Variants in GNAQ observed in about 807,000 individuals in gnomAD.
GNAQ encodes the protein guanine nucleotide-binding protein G(q) subunit alpha.
Under a neutral mutation model 43.9 loss-of-function variants are expected in GNAQ, and 8 were observed. The ratio of observed to expected loss-of-function variants is 0.18; its 90% CI spans 0.11 to 0.33. The LOEUF (loss-of-function observed/expected upper bound fraction) is 0.33, where lower values mean the gene tolerates loss of function less well. Ranked by LOEUF, GNAQ falls within the 10% of genes least tolerant of loss-of-function variation. The pLI, the probability that GNAQ is intolerant of heterozygous loss-of-function variation, is 1.00. For missense variants in GNAQ, 158 were observed against 450.8 expected (o/e 0.35, Z 5.88); for synonymous variants, 155 against 170.7 (o/e 0.91, Z 0.71).
At chr9:77,823,067 G>A (rs1827141752) in intron 2 of GNAQ, among the ~76,000 whole-genome samples, 1 of 152,028 alleles carries the variant, frequency 6.6e-6, no homozygotes, top group Non-Finnish European at 1.5e-5. Context: ...AGCCTCCTGA[G>A]TAGCTGGGAC....
chr9:77,836,978 A>T (rs1827398133), intron 2 of GNAQ, among the ~76,000 whole-genome samples: 1 of 152,130 alleles, frequency 6.6e-6, no homozygotes, highest in South Asian at 2.1e-4. Context: ...CAGTTTAAAG[A>T]AATAACTTCA....
chr9:77,778,618 C>T (rs574546439), intron 5 of GNAQ, among the ~76,000 whole-genome samples: 5 of 151,894 alleles, frequency 3.3e-5, no homozygotes, highest in Non-Finnish European at 4.4e-5. Context: ...GGTCTACATA[C>T]ACCAATTAAA....
rs2118442513 is a variant in GNAQ at position 77,794,450 on chromosome 9, A to T, written c.735+13T>A. ...TAAAATGATAATCCATTGCCTGTCTAAAGAACACTTACCTCATTGTCTGAC... is the reference window on the plus strand; with the variant it reads ...TAAAATGATAATCCATTGCCTGTCTTAAGAACACTTACCTCATTGTCTGAC... On this transcript the variant is annotated intron_variant, in intron 5 of 6. Transcript: ENST00000286548. The T allele has an allele frequency of 6.4e-7, 1 of 1,570,582 alleles. No individual in the cohort carries two copies. The highest frequency in any genetic ancestry group is 8.7e-7 in the Non-Finnish European group (1 of 1,149,934).
chr9:77,909,171 C>T (rs1342797209), intron 2 of GNAQ, among the ~76,000 whole-genome samples: 6 of 152,134 alleles, frequency 3.9e-5, no homozygotes, highest in Admixed American at 3.9e-4. Context: ...ACCCACAAAG[C>T]ATATGGTATT....
At chr9:77,748,184 T>G (rs1825759335) in intron 5 of GNAQ, among the ~76,000 whole-genome samples, 1 of 152,222 alleles carries the variant, frequency 6.6e-6, no homozygotes, top group Non-Finnish European at 1.5e-5. Context: ...GAATAAATAT[T>G]TTCAGCTATT....
At chr9:77,818,342 C>G (rs568991946) in intron 2 of GNAQ, among the ~76,000 whole-genome samples, 7 of 151,414 alleles carry the variant, frequency 4.6e-5, no homozygotes, top group Non-Finnish European at 8.8e-5. Context: ...CTCAGATTCT[C>G]TAAGTTATTT....
At chr9:77,754,306 G>T (rs905708022) in intron 5 of GNAQ, among the ~76,000 whole-genome samples, 7 of 152,150 alleles carry the variant, frequency 4.6e-5, no homozygotes, top group South Asian at 2.1e-4. Context: ...TGGGCCAGGG[G>T]CTTCTTAAGA....
At chr9:77,771,268 A>G (rs972234018) in intron 5 of GNAQ, among the ~76,000 whole-genome samples, 1 of 152,186 alleles carries the variant, frequency 6.6e-6, no homozygotes, top group East Asian at 1.9e-4. Context: ...ATATTAAACT[A>G]TAAGTTTGGG....
chr9:77,724,503 T>C (rs1825367230), intron 6 of GNAQ, among the ~76,000 whole-genome samples: 1 of 152,168 alleles, frequency 6.6e-6, no homozygotes. Flanking sequence ...AGCAGGTTTT[T>C]TTCTATCATC....
At chr9:77,878,633 G>C (rs540903301) in intron 2 of GNAQ, among the ~76,000 whole-genome samples, 1 of 151,354 alleles carries the variant, frequency 6.6e-6, no homozygotes, top group Non-Finnish European at 1.5e-5. Flanking sequence ...CGGGTAATAA[G>C]GTTCCTGAAA....
At chr9:77,992,711 A>G (rs1823523155) in intron 1 of GNAQ, among the ~76,000 whole-genome samples, 1 of 152,146 alleles carries the variant, frequency 6.6e-6, no homozygotes, top group Admixed American at 6.6e-5. Context: ...TGGGAGGCTG[A>G]AGGCGGGTGG....
rs930356048 is a variant in GNAQ, at chr9:77,755,879, G to T, written c.736-27212C>A. On this transcript the variant is annotated intron_variant, in intron 5 of 6. Coordinates refer to ENST00000286548, the MANE Select transcript of GNAQ (RefSeq NM_002072.5). Reference sequence around the variant, plus strand: ...TACTGTCAACTTGATTGGATTGAAGGATGCAAAGTACTGTTCTTGGGTGTG... The same window carrying T: ...TACTGTCAACTTGATTGGATTGAAGTATGCAAAGTACTGTTCTTGGGTGTG... Among the ~76,000 whole-genome samples, 4 of 152,292 alleles carry T rather than the reference G, an allele frequency of 2.6e-5. No individual in the cohort carries two copies. In the East Asian group the frequency reaches 7.7e-4, roughly 29 times the overall value.
At chr9:77,966,021 C>T (rs1179779188) in intron 1 of GNAQ, among the ~76,000 whole-genome samples, 1 of 152,008 alleles carries the variant, frequency 6.6e-6, no homozygotes, top group African/African-American at 2.4e-5. Flanking sequence ...GAACTATTGA[C>T]ACACAACAAC....
intron 1 of GNAQ, among the ~76,000 whole-genome samples, chr9:77,976,876 A>G (rs1823309406): frequency 6.6e-6 from 1 of 152,186 alleles, no homozygotes; most frequent in Non-Finnish European, 1.5e-5. Context: ...AGCTTCAATG[A>G]GCCATAAGGT....
chr9:77,789,448 T>C (rs781067616), intron 5 of GNAQ, among the ~76,000 whole-genome samples: 13 of 152,144 alleles, frequency 8.5e-5, no homozygotes, highest in Middle Eastern at 3.4e-3. Context: ...AGTTGGTAAA[T>C]GGTAGAGCTA....
At position 77,718,438 on chromosome 9, in the gene GNAQ, A is replaced by G. The variant is rs1825257517; in HGVS notation, c.*2885T>C. 4.3e-6 allele frequency: 1 copy of G among 232,444 alleles called. No individual in the cohort carries two copies. The highest frequency in any genetic ancestry group is 5.6e-5 in the Admixed American group (1 of 17,762). The allele number at this position is 232,444 out of a possible 1,614,324, so 14.4% of individuals were successfully genotyped here. On this transcript the variant is annotated 3_prime_UTR_variant, in exon 7 of 7. Coordinates refer to ENST00000286548, the MANE Select transcript of GNAQ (RefSeq NM_002072.5). ...TGCATCACTGCTGCTAGGGTGATCA[A>G]TTTTTTCCTTTCTCAAGAGAAGGGA...
At chr9:77,943,935 G>T (rs1200478778) in intron 1 of GNAQ, among the ~76,000 whole-genome samples, 1 of 152,082 alleles carries the variant, frequency 6.6e-6, no homozygotes, top group Admixed American at 6.6e-5. Context: ...CCAAGGTGCT[G>T]GGATTACAGG....
At chr9:78,022,117 C>CA (rs1360820755) in intron 1 of GNAQ, among the ~76,000 whole-genome samples, 4 of 152,278 alleles carry the variant, frequency 2.6e-5, no homozygotes, top group African/African-American at 4.8e-5. Flanking sequence ...GCAGGGCACT[C>CA]AGAGTTATTA....
chr9:77,796,259 TAGA>T (rs1348441939), intron 4 of GNAQ, among the ~76,000 whole-genome samples: 1 of 152,206 alleles, frequency 6.6e-6, no homozygotes, highest in Non-Finnish European at 1.5e-5. Flanking sequence ...AGAGGCCGAT[TAGA>T]AGAAAACACA....
Sources: gnomAD v4.1 joint callset for allele counts (sites outside exome capture counted in the v4.1 genomes callset) on GRCh38, gnomAD v4.1.1 for gene constraint, MANE v1.5 for transcripts, NCBI Gene and HGNC (gene_info 2026-07-23, HGNC 2026-07-21) for gene names.